YARS1: variants seen among roughly 807,000 people sequenced by gnomAD.
The protein encoded by YARS1 is tyrosine--tRNA ligase, cytoplasmic.
YARS1 carries 36 observed loss-of-function variants against 62.2 expected under a neutral mutation model. That is an observed-to-expected ratio of 0.58 (90% CI 0.44 to 0.76). The LOEUF is 0.76. Ranked by LOEUF, YARS1 falls within the 30% of genes least tolerant of loss-of-function variation. YARS1 has a pLI of 0.00. For missense variants in YARS1, 524 were observed against 639.8 expected (o/e 0.82, Z 1.95); for synonymous variants, 234 against 244.9 (o/e 0.96, Z 0.42).
intron 1 of YARS1, among the ~76,000 whole-genome samples, chr1:32,814,848 T>C (rs964304349): frequency 6.6e-6 from 1 of 152,152 alleles, no homozygotes; most frequent in South Asian, 2.1e-4. Flanking sequence ...CGATAAGAGG[T>C]TGTAGTGTTT....
intron 1 of YARS1, among the ~76,000 whole-genome samples, chr1:32,813,098 G>A (rs1638622791): frequency 2.0e-5 from 3 of 151,502 alleles, no homozygotes. Flanking sequence ...AATCCACCTA[G>A]AACCTAGAAC....
chr1:32,791,640 A>AAG (rs1226676100), intron 5 of YARS1, among the ~76,000 whole-genome samples: 5 of 152,054 alleles, frequency 3.3e-5, no homozygotes, highest in Non-Finnish European at 7.4e-5. Context: ...CATCTCTACT[A>AAG]AGAATACAAA....
At chr1:32,783,254 G>T (rs1469583881) in intron 8 of YARS1, 2 of 152,488 alleles carry the variant, frequency 1.3e-5, no homozygotes, top group Non-Finnish European at 2.9e-5. Flanking sequence ...TGAAAATGAT[G>T]AGAACGCTGC....
intron 4 of YARS1, among the ~76,000 whole-genome samples, chr1:32,804,307 C>A (rs1045110733): frequency 6.6e-6 from 1 of 152,012 alleles, no homozygotes; most frequent in Non-Finnish European, 1.5e-5. Flanking sequence ...ACTTCCCAGA[C>A]GGGGCGGCCG....
At chr1:32,810,535 C>T (rs766977729) in intron 3 of YARS1, 56 bp downstream of exon 3, 327 of 1,606,164 alleles carry the variant, frequency 2.0e-4, no homozygotes, top group Admixed American at 3.3e-4. Flanking sequence ...CTCCACAGGC[C>T]TGTAATTAGC....
At chr1:32,796,514 A>T (rs1359818069) in intron 5 of YARS1, among the ~76,000 whole-genome samples, 1 of 151,726 alleles carries the variant, frequency 6.6e-6, no homozygotes, top group Non-Finnish European at 1.5e-5. Flanking sequence ...GGGACTACAG[A>T]GGCGTGCCTG....
Position 32,787,055 on chromosome 1 carries a change from AAGG to A in YARS1, c.702_704del (p.Leu235del). ...TTTTCTTCACATCCTCCTTCCGATC[AAGG>A]AGATCAATCTTGGACTCCTAGAAGT... On this transcript the variant is annotated inframe_deletion, in exon 7 of 13. Coordinates refer to ENST00000373477, the MANE Select transcript of YARS1 (RefSeq NM_003680.4). The A allele has an allele frequency of 1.9e-6, 3 of 1,614,202 alleles. No individual in the cohort carries two copies. Among genetic ancestry groups the A allele is most frequent in the African/African-American group, 1.3e-5 (1 of 75,058 alleles).
chr1:32,801,183 G>A (rs1435690792), intron 4 of YARS1, among the ~76,000 whole-genome samples: 3 of 152,178 alleles, frequency 2.0e-5, no homozygotes, highest in African/African-American at 7.2e-5. Flanking sequence ...ACACAGGAAG[G>A]CCTATAGGTT....
At chr1:32,801,530 C>T (rs1638292113) in intron 4 of YARS1, among the ~76,000 whole-genome samples, 1 of 152,136 alleles carries the variant, frequency 6.6e-6, no homozygotes, top group African/African-American at 2.4e-5. Context: ...TGGCTGCTGA[C>T]TGATCAGGGT....
At chr1:32,790,491 G>T (rs1653380220) in intron 6 of YARS1, among the ~76,000 whole-genome samples, 1 of 135,688 alleles carries the variant, frequency 7.4e-6, no homozygotes, top group African/African-American at 2.7e-5. Flanking sequence ...TGCAGCCTGG[G>T]TGACAGAGTG....
intron 3 of YARS1, among the ~76,000 whole-genome samples, chr1:32,809,216 A>G (rs1638527847): frequency 6.6e-6 from 1 of 151,924 alleles, no homozygotes; most frequent in African/African-American, 2.4e-5. Flanking sequence ...CCTCCCGAGT[A>G]GCCGTGATTA....
At chr1:32,802,088 C>T (rs1398565759) in intron 4 of YARS1, among the ~76,000 whole-genome samples, 1 of 150,900 alleles carries the variant, frequency 6.6e-6, no homozygotes, top group Admixed American at 6.6e-5. Flanking sequence ...GCTGGGACTA[C>T]AGGCGCCCGC....
chr1:32,807,245 T>C (rs1008931884), intron 3 of YARS1, among the ~76,000 whole-genome samples: 3 of 152,132 alleles, frequency 2.0e-5, no homozygotes, highest in Non-Finnish European at 2.9e-5. Flanking sequence ...TTTAGAACAC[T>C]AGTTCACCAT....
chr1:32,806,641 TAAACCTGGG>T, intron 3 of YARS1, 30 bp from the exon 4 acceptor site: 1 of 1,614,100 alleles, frequency 6.2e-7, no homozygotes, highest in Non-Finnish European at 8.5e-7. Flanking sequence ...GGGACAGCTG[TAAACCTGGG>T]CCTAGGCCTC....
chr1:32,817,279 G>T lies in YARS1; in HGVS notation c.-35C>A. The T allele has an allele frequency of 6.2e-7, 1 of 1,612,828 alleles. No homozygotes were observed. On this transcript the variant is annotated 5_prime_UTR_variant, in exon 1 of 13. Transcript: ENST00000373477. The stretch of plus-strand genomic sequence containing the variant: ...ACCCCTGCTTCCCCCGCTCAGCCCG[G>T]CACCAGAGCCCCTTCCTGGGTCACC...
At position 32,782,472 on chromosome 1, in the gene YARS1, C is replaced by T. The variant is rs781526540; in HGVS notation, c.974G>A (p.Arg325Gln). The stretch of plus-strand genomic sequence containing the variant: ...CAGGGCAGGGGTATTAAACTTTTCC[C>T]GGATTGGATCCAGCAACTTGTTCAG... ...VALNKLLDPI[R>Q]EKFNTPALKK... The change falls in exon 9 of 13, where the codon CGG becomes CAG. Residue 325 changes from arginine (R) to glutamine (Q), a missense_variant. Transcript: ENST00000373477. 5.0e-6 allele frequency: 8 copies of T among 1,614,068 alleles called. No individual in the cohort carries two copies. The highest frequency in any genetic ancestry group is 1.3e-5 in the African/African-American group (1 of 74,976).
chr1:32,797,303 T>C (rs1044536815), intron 5 of YARS1, among the ~76,000 whole-genome samples: 1 of 151,574 alleles, frequency 6.6e-6, no homozygotes, highest in Admixed American at 6.6e-5. Context: ...GCCCAGGCTG[T>C]CGAGGCTGTG....
intron 6 of YARS1, 156 bp downstream of exon 6, chr1:32,791,006 G>C: frequency 2.7e-6 from 2 of 739,812 alleles, no homozygotes; most frequent in Non-Finnish European, 4.8e-6. Flanking sequence ...TGGATCCTTT[G>C]ATACTCAAGA....
chr1:32,780,832 TC>T, intron 10 of YARS1: 1 of 608,944 alleles, frequency 1.6e-6, no homozygotes, highest in South Asian at 1.8e-5. Context: ...CTAACATCCG[TC>T]CCCCATGCTG....
Sources: gnomAD v4.1 joint callset for allele counts (sites outside exome capture counted in the v4.1 genomes callset) on GRCh38, gnomAD v4.1.1 for gene constraint, MANE v1.5 for transcripts, NCBI Gene and HGNC (gene_info 2026-07-23, HGNC 2026-07-21) for gene names.